Variants in HIVEP3 observed in about 807,000 individuals in gnomAD.
HIVEP3 encodes the protein transcription factor HIVEP3.
Under a neutral mutation model 152.8 loss-of-function variants are expected in HIVEP3, and 49 were observed. That is an observed-to-expected ratio of 0.32 (90% CI 0.26 to 0.41). HIVEP3 has a LOEUF of 0.41. HIVEP3 is among the 10% of genes least tolerant of loss of function. The probability of loss-of-function intolerance (pLI) is 1.00; values close to 1 mark genes in which losing one functional copy is unlikely to be tolerated. For synonymous variants in HIVEP3, 1,269 were observed against 1,289.0 expected (o/e 0.98, Z 0.33); for missense variants, 2,790 against 3,103.3 (o/e 0.90, Z 2.40).
At chr1:42,001,174 G>C (rs897632134) in intron 1 of HIVEP3, among the ~76,000 whole-genome samples, 1 of 151,924 alleles carries the variant, frequency 6.6e-6, no homozygotes, top group African/African-American at 2.4e-5. Flanking sequence ...GGTGAGCAAG[G>C]GAACAGGAAA....
rs113913185 is a variant in HIVEP3 at position 41,704,001 on chromosome 1, T to C, written c.-800-3006A>G. Reference sequence around the variant, plus strand: ...AATTCAAGTCCTCACTCTTGTTCTGTCACTCACTAGTTGTATACTTACCTC... The same window carrying C: ...AATTCAAGTCCTCACTCTTGTTCTGCCACTCACTAGTTGTATACTTACCTC... On this transcript the variant is annotated intron_variant, in intron 1 of 8. Coordinates refer to ENST00000372583, the MANE Select transcript of HIVEP3 (RefSeq NM_024503.5). 6.5e-3 allele frequency among the ~76,000 whole-genome samples: 988 copies of C among 152,332 alleles called. 14 individuals carry two copies. Among genetic ancestry groups the C allele is most frequent in the African/African-American group, 0.023 (950 of 41,574 alleles).
chr1:41,895,693 A>G (rs1009799459), intron 1 of HIVEP3, among the ~76,000 whole-genome samples: 1 of 152,226 alleles, frequency 6.6e-6, no homozygotes, highest in Non-Finnish European at 1.5e-5. Context: ...GAGGAGTAGA[A>G]GGCAAGGTGG....
At chr1:41,971,752 C>T (rs1039788132) in intron 1 of HIVEP3, among the ~76,000 whole-genome samples, 47 of 152,302 alleles carry the variant, frequency 3.1e-4, no homozygotes, top group African/African-American at 1.1e-3. Flanking sequence ...GTTGTGTCTC[C>T]TCCAAAATTC....
intron 2 of HIVEP3, among the ~76,000 whole-genome samples, chr1:41,658,621 C>G (rs1221397344): frequency 1.3e-5 from 2 of 152,212 alleles, no homozygotes; most frequent in Non-Finnish European, 2.9e-5. Flanking sequence ...TGATCCTGCT[C>G]TGCAGCGGAG....
chr1:41,621,531 T>G (rs1410387066), intron 3 of HIVEP3, among the ~76,000 whole-genome samples: 2 of 152,218 alleles, frequency 1.3e-5, no homozygotes. Context: ...GTTTTGTTTT[T>G]CGAGACAGGG....
At chr1:41,675,215 C>T (rs901601713) in intron 2 of HIVEP3, among the ~76,000 whole-genome samples, 3 of 152,160 alleles carry the variant, frequency 2.0e-5, no homozygotes, top group African/African-American at 7.2e-5. Context: ...GTGTCCAAGG[C>T]CTGCTTCAGT....
intron 1 of HIVEP3, among the ~76,000 whole-genome samples, chr1:41,738,686 T>A (rs1169310486): frequency 6.6e-6 from 1 of 152,172 alleles, no homozygotes; most frequent in African/African-American, 2.4e-5. Context: ...CAGTCCAAGC[T>A]CTGCTGCTGT....
intron 1 of HIVEP3, among the ~76,000 whole-genome samples, chr1:41,745,511 C>T (rs192615956): frequency 4.6e-5 from 7 of 152,368 alleles, no homozygotes; most frequent in Admixed American, 2.6e-4. Context: ...TGAAGATCCA[C>T]TAGGCCTCCA....
chr1:41,809,272 T>A (rs899129923), intron 1 of HIVEP3, among the ~76,000 whole-genome samples: 1 of 152,232 alleles, frequency 6.6e-6, no homozygotes, highest in African/African-American at 2.4e-5. Flanking sequence ...AACCCTTCAT[T>A]GTTGACGGCT....
At chr1:41,905,938 G>C (rs1644702088) in intron 1 of HIVEP3, among the ~76,000 whole-genome samples, 1 of 152,196 alleles carries the variant, frequency 6.6e-6, no homozygotes, top group Admixed American at 6.5e-5. Context: ...ACCTGCATGT[G>C]AGTGTTCGTG....
At chr1:41,804,328 A>C (rs1045180357) in intron 1 of HIVEP3, among the ~76,000 whole-genome samples, 2 of 152,188 alleles carry the variant, frequency 1.3e-5, no homozygotes, top group Non-Finnish European at 2.9e-5. Flanking sequence ...CAACCGACAG[A>C]AGGTTCCTGT....
At chr1:41,621,895 C>T (rs373039584) in intron 3 of HIVEP3, among the ~76,000 whole-genome samples, 1 of 152,198 alleles carries the variant, frequency 6.6e-6, no homozygotes, top group African/African-American at 2.4e-5. Flanking sequence ...CTCTTTCCCA[C>T]CCTGCAACAT....
At chr1:41,916,027 G>A (rs188145319) in intron 1 of HIVEP3, among the ~76,000 whole-genome samples, 1 of 152,328 alleles carries the variant, frequency 6.6e-6, no homozygotes, top group Admixed American at 6.5e-5. Flanking sequence ...TAGGGAGTGA[G>A]AGACAAGTTA....
chr1:41,540,691 T>C (rs76218448), intron 5 of HIVEP3, among the ~76,000 whole-genome samples: 3,976 of 152,248 alleles, frequency 0.026, 192 homozygotes, highest in African/African-American at 0.092. Context: ...CTCAGCCTCC[T>C]GGGAGGTAGC....
chr1:41,914,259 T>C (rs1294928300), intron 1 of HIVEP3, among the ~76,000 whole-genome samples: 1 of 152,218 alleles, frequency 6.6e-6, no homozygotes, highest in African/African-American at 2.4e-5. Context: ...TCACCTCCTC[T>C]GCCTTCCAAG....
At chr1:41,830,353 A>C (rs1642924398) in intron 1 of HIVEP3, among the ~76,000 whole-genome samples, 1 of 152,224 alleles carries the variant, frequency 6.6e-6, no homozygotes, top group African/African-American at 2.4e-5. Context: ...AAGACAGGAG[A>C]AAGGTGTTTT....
intron 3 of HIVEP3, among the ~76,000 whole-genome samples, chr1:41,599,470 G>T (rs533369380): frequency 6.6e-6 from 1 of 152,248 alleles, no homozygotes; most frequent in Admixed American, 6.5e-5. Flanking sequence ...TAATAGAGTA[G>T]AAAGACAAAC....
Position 41,510,671 on chromosome 1 carries a change from G to C in HIVEP3, c.7001C>G (p.Ser2334Cys). The change falls in exon 9 of 9, where the codon TCC becomes TGC. Residue 2334 changes from serine to cysteine, a missense_variant. This residue lies in a region of HIVEP3 where 816 missense variants were observed against 806.5 expected (regional missense o/e 1.01). Coordinates refer to ENST00000372583, the MANE Select transcript of HIVEP3 (RefSeq NM_024503.5). Reference sequence around the variant, plus strand: ...CTCGGGGTTGGTCGGTGCACGCGGGGACTCCAAGCGGGGGCTCCAGGACTG... The same window carrying C: ...CTCGGGGTTGGTCGGTGCACGCGGGCACTCCAAGCGGGGGCTCCAGGACTG... ...AAQSWSPRLE[S>C]PRAPTNPEPS... The C allele has an allele frequency of 6.6e-7, 1 of 1,524,630 alleles. No homozygotes were observed. The highest frequency in any genetic ancestry group is 8.8e-7 in the Non-Finnish European group (1 of 1,134,788). 94.4% of individuals were successfully genotyped at this position (1,524,630 alleles called of 1,614,324 possible).
intron 1 of HIVEP3, among the ~76,000 whole-genome samples, chr1:41,909,106 G>C (rs1433513807): frequency 6.6e-6 from 1 of 152,054 alleles, no homozygotes; most frequent in Non-Finnish European, 1.5e-5. Context: ...TGGAAACAGA[G>C]GACAGTTGAA....
Sources: allele counts gnomAD v4.1 joint callset (sites outside exome capture counted in the v4.1 genomes callset), GRCh38; gene constraint gnomAD v4.1.1; regional missense constraint gnomAD v4.1.1; transcripts MANE v1.5; gene names NCBI Gene and HGNC (gene_info 2026-07-23, HGNC 2026-07-21).